STPG2: variants seen among roughly 807,000 people sequenced by gnomAD.
STPG2 encodes the protein sperm-tail PG-rich repeat-containing protein 2.
Under a neutral mutation model 54.2 loss-of-function variants are expected in STPG2, and 56 were observed. The ratio of observed to expected loss-of-function variants is 1.03; its 90% CI spans 0.83 to 1.29. STPG2 has a LOEUF of 1.29. Among genes scored for constraint, STPG2 ranks in the 50% most tolerant of loss-of-function variants. STPG2 has a pLI of 0.00. For synonymous variants in STPG2, 200 were observed against 181.8 expected, an observed-to-expected ratio of 1.10 and a Z score of -0.81; for missense variants, 596 against 544.9, an observed-to-expected ratio of 1.09 and a Z score of -0.93.
chr4:97,966,529 C>A (rs182056879), intron 7 of STPG2, among the ~76,000 whole-genome samples: 294 of 152,248 alleles, frequency 1.9e-3, no homozygotes, highest in African/African-American at 7.0e-3. Flanking sequence ...GAGAACACAA[C>A]AAATATACTT....
chr4:97,808,444 C>T (rs778534468), intron 9 of STPG2, among the ~76,000 whole-genome samples: 13 of 151,356 alleles, frequency 8.6e-5, no homozygotes, highest in East Asian at 1.9e-4. Flanking sequence ...CTATCCACTA[C>T]GATAAAAATA....
At chr4:97,490,068 A>G (rs1730469740) in intron 4 of STPG2, 2 of 151,550 alleles carry the variant, frequency 1.3e-5, no homozygotes, top group African/African-American at 4.8e-5. Context: ...TTGGCTCAAG[A>G]AGAAAAGAAT....
rs770871065 is a variant in STPG2 at position 97,943,887 on chromosome 4, G to T, written c.1044+10C>A. 6.6e-6 allele frequency: 10 copies of T among 1,510,978 alleles called. No homozygotes were observed. The highest frequency in any genetic ancestry group is 1.8e-6 in the Non-Finnish European group (2 of 1,125,134). 93.6% of individuals were successfully genotyped at this position (1,510,978 alleles called of 1,614,324 possible). A position where few individuals can be genotyped will look rare whatever the true frequency, so the allele number is the denominator to read the frequency against. ...ATAATGAAAATATTTGATTGTAGGAGTATTCTTACCATATCTGGTACTTTC... is the reference window on the plus strand; with the variant it reads ...ATAATGAAAATATTTGATTGTAGGATTATTCTTACCATATCTGGTACTTTC... On this transcript the variant is annotated intron_variant, in intron 8 of 10. Coordinates refer to ENST00000295268, the MANE Select transcript of STPG2 (RefSeq NM_174952.3).
intron 9 of STPG2, among the ~76,000 whole-genome samples, chr4:97,800,089 T>C (rs1444666314): frequency 6.6e-6 from 1 of 152,200 alleles, no homozygotes; most frequent in African/African-American, 2.4e-5. Flanking sequence ...TCATCTAACC[T>C]TTTTTCAAGG....
chr4:97,864,441 G>A (rs1729683969), intron 8 of STPG2, among the ~76,000 whole-genome samples: 2 of 152,142 alleles, frequency 1.3e-5, no homozygotes, highest in African/African-American at 4.8e-5. Context: ...AAATAAAAGA[G>A]GACACAAACA....
chr4:97,666,916 C>G (rs926959046), intron 10 of STPG2, among the ~76,000 whole-genome samples: 1 of 152,110 alleles, frequency 6.6e-6, no homozygotes, highest in African/African-American at 2.4e-5. Flanking sequence ...TTACTCCAAC[C>G]ACCTTTATAG....
intron 9 of STPG2, among the ~76,000 whole-genome samples, chr4:97,802,331 G>A (rs979264082): frequency 2.0e-4 from 30 of 152,182 alleles, no homozygotes; most frequent in African/African-American, 6.5e-4. Context: ...TCTCCCATGA[G>A]TCTCAAAGCA....
At chr4:97,930,583 T>G (rs1732505995) in intron 8 of STPG2, among the ~76,000 whole-genome samples, 1 of 152,204 alleles carries the variant, frequency 6.6e-6, no homozygotes, top group Non-Finnish European at 1.5e-5. Context: ...TACTGCAACC[T>G]GGTAGTATAA....
At chr4:97,492,585 CTT>C (rs1315691468) in intron 4 of STPG2, among the ~76,000 whole-genome samples, 1 of 151,244 alleles carries the variant, frequency 6.6e-6, no homozygotes, top group Non-Finnish European at 1.5e-5. Flanking sequence ...TTTGCCATCT[CTT>C]TAGGGATTGC....
chr4:97,790,090 T>A (rs746658118), intron 9 of STPG2, among the ~76,000 whole-genome samples: 2 of 152,186 alleles, frequency 1.3e-5, no homozygotes, highest in Non-Finnish European at 2.9e-5. Flanking sequence ...TTTATGTCTC[T>A]ATTTGCTTTT....
chr4:98,102,926 A>T (rs1200082420), intron 5 of STPG2, among the ~76,000 whole-genome samples: 1 of 149,538 alleles, frequency 6.7e-6, no homozygotes, highest in Non-Finnish European at 1.5e-5. Context: ...TTATAATCAT[A>T]TATATTATAT....
chr4:97,467,932 A>G (rs1729828279), intron 4 of STPG2, among the ~76,000 whole-genome samples: 1 of 151,570 alleles, frequency 6.6e-6, no homozygotes. Context: ...GTGGCATACT[A>G]CATAGACTGT....
At chr4:97,444,149 G>A (rs919179452) in intron 4 of STPG2, among the ~76,000 whole-genome samples, 1 of 152,002 alleles carries the variant, frequency 6.6e-6, no homozygotes, top group East Asian at 1.9e-4. Context: ...ATATACAAAA[G>A]AGCATACAAG....
intron 8 of STPG2, among the ~76,000 whole-genome samples, chr4:97,935,477 T>A (rs1732716735): frequency 6.6e-6 from 1 of 152,158 alleles, no homozygotes; most frequent in African/African-American, 2.4e-5. Context: ...AATGTTAGGG[T>A]GTTGATTTGA....
At chr4:97,777,192 G>A (rs1726404595) in intron 9 of STPG2, among the ~76,000 whole-genome samples, 2 of 152,140 alleles carry the variant, frequency 1.3e-5, no homozygotes, top group South Asian at 4.1e-4. Flanking sequence ...AGTAACAGAT[G>A]TTCCTATTTA....
At chr4:97,985,547 A>G (rs993204468) in intron 5 of STPG2, among the ~76,000 whole-genome samples, 30 of 152,188 alleles carry the variant, frequency 2.0e-4, no homozygotes, top group Admixed American at 3.9e-4. Context: ...TATTCCTACA[A>G]ACCAGAAATT....
At chr4:97,886,752 C>T (rs1269242126) in intron 8 of STPG2, among the ~76,000 whole-genome samples, 1 of 152,166 alleles carries the variant, frequency 6.6e-6, no homozygotes, top group Non-Finnish European at 1.5e-5. Context: ...ATCTGTGTCA[C>T]TGCCCAAATG....
At chr4:97,901,353 A>T (rs1239104526) in intron 8 of STPG2, among the ~76,000 whole-genome samples, 3 of 151,970 alleles carry the variant, frequency 2.0e-5, no homozygotes, top group East Asian at 1.9e-4. Flanking sequence ...GCAAGAAAAA[A>T]AATAATAAAA....
At chr4:97,518,870 C>T (rs1338930171) in intron 4 of STPG2, among the ~76,000 whole-genome samples, 1 of 152,010 alleles carries the variant, frequency 6.6e-6, no homozygotes, top group African/African-American at 2.4e-5. Context: ...CAACACCATC[C>T]TTTTTTACTT....
Sources: allele counts gnomAD v4.1 joint callset (sites outside exome capture counted in the v4.1 genomes callset), GRCh38; gene constraint gnomAD v4.1.1; transcripts MANE v1.5; gene names NCBI Gene and HGNC (gene_info 2026-07-23, HGNC 2026-07-21).